DUSP18: variants seen among roughly 807,000 people sequenced by gnomAD.
The protein encoded by DUSP18 is dual specificity phosphatase 18.
A neutral mutation model predicts 6.3 loss-of-function variants in DUSP18; 4 were observed. That is an observed-to-expected ratio of 0.63 (90% CI 0.31 to 1.45). The LOEUF is 1.45. Ranked by LOEUF, DUSP18 falls within the 40% of genes most tolerant of loss-of-function variation. The probability of loss-of-function intolerance (pLI) is 0.07; values close to 1 mark genes in which losing one functional copy is unlikely to be tolerated. For missense variants in DUSP18, 235 were observed against 247.7 expected (o/e 0.95, Z 0.34); for synonymous variants, 96 against 95.1 (o/e 1.01, Z -0.05).
chr22:30,655,450 A>G (rs2145594224), intron 2 of DUSP18, among the ~76,000 whole-genome samples: 1 of 145,886 alleles, frequency 6.9e-6, no homozygotes, highest in South Asian at 2.2e-4. Flanking sequence ...AAAAAAAAAG[A>G]AAAAGAAAAA....
In DUSP18 at chr22:30,663,392, A is replaced by G. The variant is rs373502013; in HGVS notation, c.*45T>C. On this transcript the variant is annotated 3_prime_UTR_variant, in exon 2 of 2. Coordinates refer to ENST00000334679, the MANE Select transcript of DUSP18 (RefSeq NM_152511.5). The stretch of plus-strand genomic sequence containing the variant: ...TTTGGATCTTGGTGTAAGATCAACA[A>G]TAGATCTGTACCTCTGACTCCAATG... 57 of 1,544,918 alleles carry G rather than the reference A, an allele frequency of 3.7e-5. No individual in the cohort carries two copies. The African/African-American group carries it at 7.1e-4, about 19-fold the overall frequency.
intron 1 of DUSP18, chr22:30,667,124 C>T (rs1470964226): frequency 6.6e-6 from 1 of 152,182 alleles, no homozygotes; most frequent in Non-Finnish European, 1.5e-5. Context: ...TGGCTTCCCT[C>T]ATCTGGTTCG....
chr22:30,654,304 T>C (rs1001011504), intron 2 of DUSP18: 1 of 459,488 alleles, frequency 2.2e-6, no homozygotes, highest in Non-Finnish European at 4.3e-6. Flanking sequence ...CTGTTTCTTA[T>C]TCTGGTAGTG....
downstream of DUSP18, among the ~76,000 whole-genome samples, chr22:30,659,541 T>A (rs1176147603): frequency 6.6e-6 from 1 of 152,068 alleles, no homozygotes; most frequent in African/African-American, 2.4e-5. Flanking sequence ...ATCCAGCTAA[T>A]TTTTTGTATT....
At chr22:30,666,644 A>AAAAAAAAAAAC in intron 1 of DUSP18, among the ~76,000 whole-genome samples, 1 of 151,204 alleles carries the variant, frequency 6.6e-6, no homozygotes, top group Non-Finnish European at 1.5e-5. Flanking sequence ...AAAAAAAAAA[A>AAAAAAAAAAAC]AAGCAATCTC....
chr22:30,663,718 T>G lies in DUSP18; in HGVS notation c.286A>C (p.Lys96Gln). The G allele has an allele frequency of 6.2e-7, 1 of 1,614,198 alleles. No individual in the cohort carries two copies. Among genetic ancestry groups the G allele is most frequent in the Non-Finnish European group, 8.5e-7 (1 of 1,180,044 alleles). Residue 96 changes from lysine (K) to glutamine (Q), a missense_variant, in exon 2 of 2, where the codon AAG becomes CAG. Coordinates refer to ENST00000334679, the MANE Select transcript of DUSP18 (RefSeq NM_152511.5). ...CAGTGCAGCAAAGTACGGCCCTGCT[T>G]CATCTCCACGCTGTGGATATGGTCA... Reference protein sequence around the residue: ...IADHIHSVEMKQGRTLLHCAA... With the variant: ...IADHIHSVEMQQGRTLLHCAA...
At chr22:30,656,258 T>G (rs1311328461) in intron 2 of DUSP18, among the ~76,000 whole-genome samples, 1 of 152,056 alleles carries the variant, frequency 6.6e-6, no homozygotes, top group Non-Finnish European at 1.5e-5. Flanking sequence ...ATTACAGGCA[T>G]GAGCCACTGC....
chr22:30,662,737 G>A lies in DUSP18; in HGVS notation c.*700C>T, dbSNP rs990094155. ...CCAGCCACGCAGGAGGCTAAGGTAA[G>A]AGGATCACTTGAGCCTGAGAGGTTG... On this transcript the variant is annotated 3_prime_UTR_variant, in exon 2 of 2. Transcript: ENST00000334679. 2.0e-5 allele frequency: 3 copies of A among 152,134 alleles called. No homozygotes were observed. Among genetic ancestry groups the A allele is most frequent in the African/African-American group, 2.4e-5 (1 of 41,418 alleles). The allele number at this position is 152,134 out of a possible 1,614,324, so 9.4% of individuals were successfully genotyped here.
chr22:30,664,012 T>C lies in DUSP18; in HGVS notation c.-9A>G, dbSNP rs1031088302. On this transcript the variant is annotated 5_prime_UTR_variant, in exon 2 of 2. Transcript: ENST00000334679. ...CACGAGGGTGCTGTCATCAAGGCGG[T>C]GGGTCAGTGGTCAGCAGTCAGCGAA... 9.3e-6 allele frequency: 15 copies of C among 1,607,740 alleles called. No homozygotes were observed. The highest frequency in any genetic ancestry group is 1.2e-5 in the Non-Finnish European group (14 of 1,175,326).
chr22:30,663,788 A>G lies in DUSP18; in HGVS notation c.216T>C (p.Ala72=). 6.2e-7 allele frequency: 1 copy of G among 1,614,244 alleles called. No individual in the cohort carries two copies. The highest frequency in any genetic ancestry group is 1.1e-5 in the South Asian group (1 of 91,084). Residue 72 remains alanine, a synonymous_variant, in exon 2 of 2, where the codon GCT becomes GCC. Coordinates refer to ENST00000334679, the MANE Select transcript of DUSP18 (RefSeq NM_152511.5). ...CACAGAGACGTGAGTTAGGGGAGTCAGCCACAGGTACCTGCATGTACTGGA... is the reference window on the plus strand; with the variant it reads ...CACAGAGACGTGAGTTAGGGGAGTCGGCCACAGGTACCTGCATGTACTGGA... ...EDIQYMQVPV[A]DSPNSRLCDF... is the part of the protein sequence containing the mutation.
intron 1 of DUSP18, chr22:30,667,215 G>C (rs1454715120): frequency 6.6e-6 from 1 of 152,184 alleles, no homozygotes; most frequent in African/African-American, 2.4e-5. Flanking sequence ...ACACAGCGCG[G>C]AAAAGGACTT....
At position 30,663,155 on chromosome 22, in the gene DUSP18, G is replaced by C; in HGVS notation, c.*282C>G. On this transcript the variant is annotated 3_prime_UTR_variant, in exon 2 of 2. Coordinates refer to ENST00000334679, the MANE Select transcript of DUSP18 (RefSeq NM_152511.5). ...GATTCCAGGCCTGCCATGTGCAATG[G>C]GTGCTGCCCTCTTTCTTCTGGGCAC... is the stretch of plus-strand genomic sequence containing the variant. 1 of 358,796 alleles carries C rather than the reference G, an allele frequency of 2.8e-6. No homozygotes were observed. Among genetic ancestry groups the C allele is most frequent in the Non-Finnish European group, 5.1e-6 (1 of 197,116 alleles). The allele number at this position is 358,796 out of a possible 1,614,324, so 22.2% of individuals were successfully genotyped here.
chr22:30,658,922 A>T (rs2088400758), downstream of DUSP18, among the ~76,000 whole-genome samples: 2 of 152,170 alleles, frequency 1.3e-5, no homozygotes, highest in South Asian at 4.1e-4. Flanking sequence ...AGGCGGGTGG[A>T]TCACGAGATC....
downstream of DUSP18, among the ~76,000 whole-genome samples, chr22:30,656,821 A>G (rs1286610399): frequency 6.6e-6 from 1 of 152,202 alleles, no homozygotes; most frequent in African/African-American, 2.4e-5. Flanking sequence ...AAGAGAGTTA[A>G]AAAGGAGGAA....
chr22:30,652,261 A>G lies in DUSP18; in HGVS notation c.*70T>C, dbSNP rs1287689297. On this transcript the variant is annotated 3_prime_UTR_variant, in exon 3 of 3. Transcript: ENST00000404885. ...CAAGATCAGACGAGCCAGTTTATCA[A>G]TCTGGGTGGTGCCAGCTGATCCATC... 3 of 152,280 alleles carry G rather than the reference A, an allele frequency of 2.0e-5. No individual in the cohort carries two copies. In the East Asian group the frequency reaches 5.8e-4, roughly 29 times the overall value. The allele number at this position is 152,280 out of a possible 1,614,324, so 9.4% of individuals were successfully genotyped here.
At chr22:30,658,940 C>A (rs1437257233), downstream of DUSP18, among the ~76,000 whole-genome samples, 1 of 151,822 alleles carries the variant, frequency 6.6e-6, no homozygotes, top group Non-Finnish European at 1.5e-5. Context: ...ATCAGGAGAT[C>A]GAGACCATCC....
chr22:30,665,400 C>A, intron 1 of DUSP18: 1 of 381,804 alleles, frequency 2.6e-6, no homozygotes, highest in African/African-American at 2.1e-5. Context: ...GTGAACCGAG[C>A]CACTTACAGT....
chr22:30,663,429 G>A lies in DUSP18; in HGVS notation c.*8C>T, dbSNP rs1292051248. 6.2e-7 allele frequency: 1 copy of A among 1,600,208 alleles called. No individual in the cohort carries two copies. The highest frequency in any genetic ancestry group is 8.6e-7 in the Non-Finnish European group (1 of 1,169,502). ...CTCTGACTCCAATGCAGGGGCTCGT[G>A]GGATGGCTCACAGTGGAATCATCAA... On this transcript the variant is annotated 3_prime_UTR_variant, in exon 2 of 2. Coordinates refer to ENST00000334679, the MANE Select transcript of DUSP18 (RefSeq NM_152511.5).
In DUSP18 at chr22:30,653,441, G is replaced by A. The variant is rs549085511; in HGVS notation, c.*34-1144C>T. On this transcript the variant is annotated intron_variant, in intron 2 of 2. Transcript: ENST00000404885. ...GACTGGAGTGCAGTGGTGCGATCTC[G>A]GCTCACTGCAACCTCCGCCTCCTGG... Among the ~76,000 whole-genome samples the A allele has an allele frequency of 2.8e-4, 42 of 150,624 alleles. No individual in the cohort carries two copies. In the South Asian group the frequency reaches 4.2e-3, roughly 15 times the overall value.
Sources: allele counts gnomAD v4.1 joint callset (sites outside exome capture counted in the v4.1 genomes callset), GRCh38; gene constraint gnomAD v4.1.1; transcripts MANE v1.5; gene names NCBI Gene and HGNC (gene_info 2026-07-23, HGNC 2026-07-21).